The following ARMH4 variants were observed in gnomAD, a reference collection of about 807,000 sequenced individuals.
ARMH4 encodes armadillo like helical domain containing 4.
ARMH4 carries 49 observed loss-of-function variants against 61.9 expected under a neutral mutation model. The ratio of observed to expected loss-of-function variants is 0.79; its 90% CI spans 0.63 to 1.00. The LOEUF (loss-of-function observed/expected upper bound fraction) is 1.00, where lower values mean the gene tolerates loss of function less well. Ranked by LOEUF, ARMH4 falls within the 50% of genes least tolerant of loss-of-function variation. The pLI is 0.00. For missense variants in ARMH4, 934 were observed against 930.0 expected, an observed-to-expected ratio of 1.00 and a Z score of -0.06; for synonymous variants, 368 against 341.5, an observed-to-expected ratio of 1.08 and a Z score of -0.85.
At chr14:58,022,838 C>T (rs1458790471) in intron 5 of ARMH4, among the ~76,000 whole-genome samples, 2 of 152,162 alleles carry the variant, frequency 1.3e-5, no homozygotes, top group South Asian at 2.1e-4. Flanking sequence ...TAGGTTCAGT[C>T]CCAGACCACC....
intron 5 of ARMH4, among the ~76,000 whole-genome samples, chr14:58,074,743 G>C (rs1358889269): frequency 6.6e-6 from 1 of 151,990 alleles, no homozygotes; most frequent in East Asian, 1.9e-4. Context: ...AAAATAATTA[G>C]GAAGTGAAGA....
intron 5 of ARMH4, among the ~76,000 whole-genome samples, chr14:58,030,212 C>G (rs1883179348): frequency 6.6e-6 from 1 of 152,178 alleles, no homozygotes; most frequent in Non-Finnish European, 1.5e-5. Flanking sequence ...ATATTCCATT[C>G]ACCCATACTT....
chr14:58,019,472 G>A (rs188519352), intron 5 of ARMH4, among the ~76,000 whole-genome samples: 273 of 152,050 alleles, frequency 1.8e-3, no homozygotes, highest in African/African-American at 6.1e-3. Context: ...TCTCATGCTC[G>A]CCAGCACCCT....
intron 4 of ARMH4, among the ~76,000 whole-genome samples, chr14:58,127,169 G>C (rs1886922700): frequency 1.3e-5 from 2 of 152,152 alleles, no homozygotes; most frequent in African/African-American, 4.8e-5. Flanking sequence ...TAATAAGCGG[G>C]CCTTTTGAAA....
intron 4 of ARMH4, chr14:58,100,890 G>A (rs897290111): frequency 3.3e-5 from 5 of 153,006 alleles, no homozygotes; most frequent in African/African-American, 1.2e-4. Flanking sequence ...AGTGCAGAGT[G>A]AGGCAGAATC....
chr14:58,078,872 G>A (rs1194730910), intron 5 of ARMH4, among the ~76,000 whole-genome samples: 1 of 152,220 alleles, frequency 6.6e-6, no homozygotes, highest in Non-Finnish European at 1.5e-5. Flanking sequence ...TTTCTTGCCA[G>A]AAACTGGTTG....
At chr14:58,073,805 G>A (rs1884961009) in intron 5 of ARMH4, among the ~76,000 whole-genome samples, 1 of 152,120 alleles carries the variant, frequency 6.6e-6, no homozygotes, top group African/African-American at 2.4e-5. Flanking sequence ...TGTGCTCTTG[G>A]AGCAAGTTAT....
chr14:58,105,512 C>T (rs1196731256), intron 4 of ARMH4, among the ~76,000 whole-genome samples: 2 of 151,952 alleles, frequency 1.3e-5, no homozygotes, highest in Non-Finnish European at 2.9e-5. Flanking sequence ...CATGGTAAAA[C>T]CCTGTCTCTA....
At position 58,138,285 on chromosome 14, in the gene ARMH4, A is replaced by C; in HGVS notation, c.1074T>G (p.Pro358=). ...GAGCCACCTGTGCAGCCTCTGTCCAAGGCTGGCCTCCTTCCATACCCTCAT... is the reference window on the plus strand; with the variant it reads ...GAGCCACCTGTGCAGCCTCTGTCCACGGCTGGCCTCCTTCCATACCCTCAT... ...VSHEGMEGGQ[P]WTEAAQVALG... is the part of the protein sequence containing the mutation. Residue 358 remains proline, a synonymous_variant, in exon 2 of 8, where the codon CCT becomes CCG. Transcript: ENST00000267485. 1 of 1,614,182 alleles carries C rather than the reference A, an allele frequency of 6.2e-7. No homozygotes were observed. Among genetic ancestry groups the C allele is most frequent in the South Asian group, 1.1e-5 (1 of 91,082 alleles).
chr14:58,057,045 T>C (rs1884369974), intron 5 of ARMH4, among the ~76,000 whole-genome samples: 1 of 152,114 alleles, frequency 6.6e-6, no homozygotes, highest in African/African-American at 2.4e-5. Context: ...GGACCCTGGA[T>C]CCCTGAATGA....
chr14:58,104,702 T>C (rs1487601347), intron 4 of ARMH4, among the ~76,000 whole-genome samples: 1 of 152,232 alleles, frequency 6.6e-6, no homozygotes, highest in African/African-American at 2.4e-5. Context: ...TAATGTATGT[T>C]ATAGCAACTT....
chr14:58,008,497 A>G (rs967325006), intron 6 of ARMH4, among the ~76,000 whole-genome samples: 1 of 152,228 alleles, frequency 6.6e-6, no homozygotes, highest in African/African-American at 2.4e-5. Flanking sequence ...TCAACAAGAA[A>G]GGTATCCTTC....
intron 5 of ARMH4, among the ~76,000 whole-genome samples, chr14:58,055,770 G>T (rs537739420): frequency 6.6e-6 from 1 of 152,306 alleles, no homozygotes; most frequent in South Asian, 2.1e-4. Flanking sequence ...TACTTATTTG[G>T]TACTTAGTCA....
At chr14:58,103,735 G>A (rs1324988276) in intron 4 of ARMH4, among the ~76,000 whole-genome samples, 1 of 152,016 alleles carries the variant, frequency 6.6e-6, no homozygotes, top group African/African-American at 2.4e-5. Flanking sequence ...TTACAGCTGT[G>A]AGCCACTGTG....
chr14:58,131,560 G>A lies in ARMH4; in HGVS notation c.1783C>T (p.Arg595Cys), dbSNP rs371627713. 172 of 1,614,062 alleles carry A rather than the reference G, an allele frequency of 1.1e-4. No homozygotes were observed. Among genetic ancestry groups the A allele is most frequent in the Middle Eastern group, 8.2e-4 (5 of 6,084 alleles). ...ERRTVVPSITRVNTAASYGLD... is the reference protein window; with the variant it reads ...ERRTVVPSITCVNTAASYGLD... ...CCATATGAGGCAGCTGTATTAACAC[G>A]AGTAATAGATGGAACAACAGTTCTT... Residue 595 changes from arginine to cysteine, a missense_variant, in exon 4 of 8, where the codon CGT becomes TGT. By Grantham distance (180) the Arg-to-Cys change is radical (BLOSUM62 -3). Coordinates refer to ENST00000267485, the MANE Select transcript of ARMH4 (RefSeq NM_001001872.4).
intron 5 of ARMH4, among the ~76,000 whole-genome samples, chr14:58,095,619 G>A (rs895362532): frequency 6.6e-6 from 1 of 152,132 alleles, no homozygotes; most frequent in African/African-American, 2.4e-5. Context: ...AGTAATTCAA[G>A]AAATCTTGTC....
chr14:58,125,850 C>T (rs1419673900), intron 4 of ARMH4, among the ~76,000 whole-genome samples: 10 of 152,130 alleles, frequency 6.6e-5, no homozygotes, highest in Admixed American at 3.3e-4. Flanking sequence ...TTTCCTAGGC[C>T]GATTAAGAAT....
chr14:58,055,587 T>C (rs958383000), intron 5 of ARMH4, among the ~76,000 whole-genome samples: 3 of 152,200 alleles, frequency 2.0e-5, no homozygotes, highest in Admixed American at 6.5e-5. Context: ...ATTCCTTACA[T>C]CCTTGCTCAA....
At chr14:58,014,307 C>T (rs1040340052) in intron 5 of ARMH4, among the ~76,000 whole-genome samples, 2 of 152,060 alleles carry the variant, frequency 1.3e-5, no homozygotes, top group African/African-American at 4.8e-5. Flanking sequence ...AGGATAAGAG[C>T]AGGGTCATGG....
Sources: allele counts gnomAD v4.1 joint callset (sites outside exome capture counted in the v4.1 genomes callset), GRCh38; gene constraint gnomAD v4.1.1; transcripts MANE v1.5; gene names NCBI Gene and HGNC (gene_info 2026-07-23, HGNC 2026-07-21).